The following FCAMR variants were observed in gnomAD, a reference collection of about 807,000 sequenced individuals.
The protein encoded by FCAMR is Fc alpha and mu receptor.
FCAMR carries 51 observed loss-of-function variants against 52.2 expected under a neutral mutation model. The ratio of observed to expected loss-of-function variants is 0.98; its 90% CI spans 0.78 to 1.23. The LOEUF (loss-of-function observed/expected upper bound fraction) is 1.23. FCAMR is among the 50% of genes most tolerant of loss of function. The pLI is 0.00. For synonymous variants in FCAMR, 282 were observed against 262.0 expected (o/e 1.08, Z -0.74); for missense variants, 719 against 712.6 (o/e 1.01, Z -0.10).
In FCAMR at chr1:206,961,654, C is replaced by T. The variant is rs148076247; in HGVS notation, c.653-431G>A. ...AACCTGCTTTCAGGCTGCCTCCTGT[C>T]ATGCTGTCTCCTCTGCCAAGTGGCC... On this transcript the variant is annotated intron_variant, in intron 5 of 7. Coordinates refer to ENST00000324852, the MANE Select transcript of FCAMR (RefSeq NM_001170631.2). 1.1e-3 allele frequency among the ~76,000 whole-genome samples: 163 copies of T among 152,388 alleles called. 1 individual carries two copies. The highest frequency in any genetic ancestry group is 3.6e-3 in the African/African-American group (150 of 41,594).
At chr1:206,966,056 A>G (rs1680697525) in intron 3 of FCAMR, 198 bp from the exon 4 acceptor site, 1 of 707,574 alleles carries the variant, frequency 1.4e-6, no homozygotes, top group Non-Finnish European at 2.4e-6. Flanking sequence ...CTCAAGCAGC[A>G]GCTGCCTAGA....
intron 4 of FCAMR, 102 bp from the exon 5 acceptor site, chr1:206,962,653 GA>G: frequency 1.1e-6 from 1 of 916,332 alleles, no homozygotes; most frequent in Non-Finnish European, 1.6e-6. Context: ...GGTCAAGTCA[GA>G]AAATACCACT....
At chr1:206,964,519 T>A (rs1680632149) in intron 4 of FCAMR, among the ~76,000 whole-genome samples, 1 of 151,938 alleles carries the variant, frequency 6.6e-6, no homozygotes, top group Non-Finnish European at 1.5e-5. Context: ...ATCCCCTTGG[T>A]GCTAAATGAG....
intron 3 of FCAMR, among the ~76,000 whole-genome samples, chr1:206,966,336 GGT>G (rs1428706356): frequency 6.6e-6 from 1 of 152,276 alleles, no homozygotes; most frequent in Non-Finnish European, 1.5e-5. Context: ...TTAAAGAGGT[GGT>G]GTGATTTTAT....
intron 7 of FCAMR, 56 bp downstream of exon 7, chr1:206,959,623 G>A (rs1027431252): frequency 2.1e-6 from 3 of 1,398,046 alleles, no homozygotes; most frequent in East Asian, 2.3e-5. Context: ...CCAGCCCTGA[G>A]GGTGTCAGGT....
chr1:206,962,352 GGC>G lies in FCAMR; in HGVS notation c.511_512del (p.Ala171ProfsTer21). 2 of 1,614,160 alleles carry G rather than the reference GGC, an allele frequency of 1.2e-6. No individual in the cohort carries two copies. The highest frequency in any genetic ancestry group is 1.7e-6 in the Non-Finnish European group (2 of 1,180,028). On this transcript the variant is annotated frameshift_variant, in exon 5 of 8. Transcript: ENST00000324852. LOFTEE classifies it high-confidence loss of function. ...YTHHRYRDRV[A>X]LTDFPQRGLF... ...AGCCTCTCTGTGGAAAGTCTGTGAGGGCCACACGGTCACGATAGCGATGGTGA... is the reference window on the plus strand; with the variant it reads ...AGCCTCTCTGTGGAAAGTCTGTGAGGCACACGGTCACGATAGCGATGGTGA...
intron 4 of FCAMR, among the ~76,000 whole-genome samples, chr1:206,963,141 G>A (rs149891834): frequency 1.4e-3 from 217 of 152,248 alleles, no homozygotes; most frequent in African/African-American, 5.0e-3. Context: ...TGCAAAAGAC[G>A]GGGAGTCCTG....
chr1:206,968,557 G>T (rs144128690), intron 1 of FCAMR, among the ~76,000 whole-genome samples: 148 of 152,244 alleles, frequency 9.7e-4, no homozygotes, highest in Non-Finnish European at 1.7e-3. Flanking sequence ...AAGGACAGGC[G>T]CTAACAGTCA....
chr1:206,963,037 A>C (rs1230910617), intron 4 of FCAMR, among the ~76,000 whole-genome samples: 2 of 150,092 alleles, frequency 1.3e-5, no homozygotes, highest in Non-Finnish European at 2.9e-5. Flanking sequence ...CTTTCAGGAC[A>C]ACAGTGATGA....
chr1:206,961,274 C>T, intron 5 of FCAMR, 51 bp from the exon 6 acceptor site: 1 of 1,445,554 alleles, frequency 6.9e-7, no homozygotes, highest in Non-Finnish European at 9.2e-7. Context: ...AGGCCACCTA[C>T]TGGATTTGGC....
chr1:206,959,893 G>T, intron 6 of FCAMR, 96 bp from the exon 7 acceptor site: 1 of 1,025,930 alleles, frequency 9.7e-7, no homozygotes, highest in Non-Finnish European at 1.5e-6. Context: ...ACAGATTGGG[G>T]AGCTGAGGCC....
chr1:206,969,623 G>A (rs531954460), intron 1 of FCAMR, among the ~76,000 whole-genome samples: 4 of 152,222 alleles, frequency 2.6e-5, no homozygotes, highest in Admixed American at 6.5e-5. Flanking sequence ...CTGGCCCTCC[G>A]AGCCCCAGTT....
At chr1:206,969,154 C>A in intron 1 of FCAMR, 1 of 336,448 alleles carries the variant, frequency 3.0e-6, no homozygotes, top group Non-Finnish European at 6.0e-6. Context: ...TACCTAGACT[C>A]CCCCGGGTGA....
chr1:206,965,812 C>G lies in FCAMR; in HGVS notation c.216G>C (p.Leu72=). Residue 72 remains leucine, a synonymous_variant, in exon 4 of 8, where the codon CTG becomes CTC. Transcript: ENST00000324852. The part of the protein sequence containing the change: ...LPQKRPHPRW[L]WEGSLPSRTH... ...TCCTGGAGGGGAGAGAGCCCTCCCA[C>G]AGCCATCTCGGATGGGGTCTTTTTT... 6.2e-7 allele frequency: 1 copy of G among 1,601,812 alleles called. No homozygotes were observed. Among genetic ancestry groups the G allele is most frequent in the Non-Finnish European group, 8.5e-7 (1 of 1,174,770 alleles).
chr1:206,969,878 C>A lies in FCAMR; in HGVS notation c.39+209G>T, dbSNP rs1260501211. Among the ~76,000 whole-genome samples, 3 of 152,180 alleles carry A rather than the reference C, an allele frequency of 2.0e-5. No individual in the cohort carries two copies. In the East Asian group the frequency reaches 5.8e-4, roughly 29 times the overall value. On this transcript the variant is annotated intron_variant, in intron 1 of 7. Coordinates refer to ENST00000324852, the MANE Select transcript of FCAMR (RefSeq NM_001170631.2). ...TAAATTACCCAGGACTTCTAAGGAA[C>A]CATGCACTCTGGTGGGTGTGAGCAG...
Position 206,965,776 on chromosome 1 carries a change from C to G in FCAMR, c.252G>C (p.Arg84=). Residue 84 remains arginine, a synonymous_variant, in exon 4 of 8, where the codon CGG becomes CGC. Transcript: ENST00000324852. ...AGGAAGGCCTGAGTGTTCCCATGGC[C>G]CGGAGATGGGTCCTGGAGGGGAGAG... ...EGSLPSRTHL[R]AMGTLRPSSP... The G allele has an allele frequency of 6.3e-7, 1 of 1,581,406 alleles. No individual in the cohort carries two copies. The highest frequency in any genetic ancestry group is 8.6e-7 in the Non-Finnish European group (1 of 1,168,282).
At chr1:206,960,312 C>A in intron 6 of FCAMR, 110 bp downstream of exon 6, 1 of 1,168,698 alleles carries the variant, frequency 8.6e-7, no homozygotes, top group South Asian at 1.6e-5. Context: ...ATGTCACTGT[C>A]TTGTGGGTAC....
intron 4 of FCAMR, among the ~76,000 whole-genome samples, chr1:206,963,776 T>C (rs1680599418): frequency 6.6e-6 from 1 of 152,218 alleles, no homozygotes; most frequent in African/African-American, 2.4e-5. Context: ...TGGTGCTTTC[T>C]GGGCATGGCA....
At chr1:206,965,258 T>A (rs1308406081) in intron 4 of FCAMR, among the ~76,000 whole-genome samples, 1 of 152,218 alleles carries the variant, frequency 6.6e-6, no homozygotes, top group African/African-American at 2.4e-5. Flanking sequence ...AGGGTTCCAC[T>A]AATCAGCAGG....
Sources: gnomAD v4.1 joint callset for allele counts (sites outside exome capture counted in the v4.1 genomes callset) on GRCh38, gnomAD v4.1.1 for gene constraint, MANE v1.5 for transcripts, NCBI Gene and HGNC (gene_info 2026-07-23, HGNC 2026-07-21) for gene names.